The following ADAMTS6 variants were observed in gnomAD, a reference collection of about 807,000 sequenced individuals.
ADAMTS6 encodes the protein A disintegrin and metalloproteinase with thrombospondin motifs 6.
In ADAMTS6, 23 loss-of-function variants were observed where a neutral mutation model predicts 144.3. The observed-to-expected ratio is 0.16, with a 90% CI of 0.11 to 0.23. The LOEUF (loss-of-function observed/expected upper bound fraction) is 0.23. Among genes scored for constraint, ADAMTS6 ranks in the 10% least tolerant of loss-of-function variants. The pLI is 1.00. For missense variants in ADAMTS6, 999 were observed against 1,379.6 expected (o/e 0.72, Z 4.37); for synonymous variants, 444 against 457.5 (o/e 0.97, Z 0.38).
At position 65,407,510 on chromosome 5, in the gene ADAMTS6, C is replaced by T. The variant is rs1331697782; in HGVS notation, c.1073+43965G>A. Reference sequence around the variant, plus strand: ...TCCCTCCCCCCACCCCACAACAGTCCCCGGTGTGTGATGTTCCCCTTCCTG... The same window carrying T: ...TCCCTCCCCCCACCCCACAACAGTCTCCGGTGTGTGATGTTCCCCTTCCTG... On this transcript the variant is annotated intron_variant, in intron 7 of 24. Coordinates refer to ENST00000381055, the MANE Select transcript of ADAMTS6 (RefSeq NM_197941.4). Among the ~76,000 whole-genome samples, 349 of 137,586 alleles carry T rather than the reference C, an allele frequency of 2.5e-3. 1 individual carries two copies. The highest frequency in any genetic ancestry group is 8.9e-3 in the African/African-American group (323 of 36,350). The allele number at this position is 137,586 out of a possible 152,430, so 90.3% of individuals were successfully genotyped here.
chr5:65,195,187 T>C (rs759640043), intron 21 of ADAMTS6, among the ~76,000 whole-genome samples: 3 of 152,182 alleles, frequency 2.0e-5, no homozygotes, highest in African/African-American at 4.8e-5. Context: ...AGGGACAAAA[T>C]TGGCCCATGG....
intron 7 of ADAMTS6, among the ~76,000 whole-genome samples, chr5:65,429,394 G>A (rs531046779): frequency 6.6e-6 from 1 of 151,960 alleles, no homozygotes; most frequent in African/African-American, 2.4e-5. Flanking sequence ...ATTTCTGAAG[G>A]CTCCAGTGTC....
At chr5:65,334,540 C>G (rs1451231730) in intron 7 of ADAMTS6, among the ~76,000 whole-genome samples, 5 of 152,124 alleles carry the variant, frequency 3.3e-5, no homozygotes, top group African/African-American at 1.2e-4. Flanking sequence ...TGCTTTAACT[C>G]TAGCACAGGT....
intron 7 of ADAMTS6, among the ~76,000 whole-genome samples, chr5:65,361,054 G>A (rs1749782573): frequency 6.6e-6 from 1 of 152,128 alleles, no homozygotes; most frequent in Non-Finnish European, 1.5e-5. Context: ...TGGATTTAGT[G>A]TAACAGAGTA....
intron 9 of ADAMTS6, among the ~76,000 whole-genome samples, chr5:65,317,728 C>G (rs1580376185): frequency 1.3e-5 from 2 of 152,158 alleles, no homozygotes; most frequent in Admixed American, 6.5e-5. Flanking sequence ...AGTCTAATAA[C>G]TGGATTAAAA....
At chr5:65,465,853 C>A (rs915163480) in intron 3 of ADAMTS6, among the ~76,000 whole-genome samples, 1 of 152,218 alleles carries the variant, frequency 6.6e-6, no homozygotes, top group Admixed American at 6.5e-5. Context: ...TTGGAATGCC[C>A]AAGGGCTCAG....
At chr5:65,270,235 T>C (rs1032470511) in intron 12 of ADAMTS6, among the ~76,000 whole-genome samples, 1 of 152,240 alleles carries the variant, frequency 6.6e-6, no homozygotes, top group Admixed American at 6.5e-5. Flanking sequence ...TCAATAGCTC[T>C]TTGCAGGGCT....
chr5:65,282,997 A>G (rs546739163), intron 11 of ADAMTS6, among the ~76,000 whole-genome samples: 1 of 152,246 alleles, frequency 6.6e-6, no homozygotes, highest in East Asian at 1.9e-4. Context: ...GCCCTTGGGA[A>G]ACTCTAAATT....
intron 14 of ADAMTS6, among the ~76,000 whole-genome samples, chr5:65,258,560 G>C (rs773372036): frequency 1.3e-5 from 2 of 152,170 alleles, no homozygotes; most frequent in Non-Finnish European, 2.9e-5. Flanking sequence ...GGATAGCAAA[G>C]GGGAATCCTC....
intron 7 of ADAMTS6, among the ~76,000 whole-genome samples, chr5:65,409,113 T>C (rs1754827877): frequency 6.6e-6 from 1 of 152,010 alleles, no homozygotes; most frequent in Non-Finnish European, 1.5e-5. Flanking sequence ...AGCAAACACA[T>C]TCAAAAGCTA....
chr5:65,224,494 T>G (rs1757574292), intron 17 of ADAMTS6, 94 bp from the exon 18 acceptor site: 1 of 1,105,190 alleles, frequency 9.0e-7, no homozygotes, highest in African/African-American at 1.6e-5. Flanking sequence ...TATTATTCCA[T>G]TCTCTCTTTG....
At chr5:65,373,440 C>T (rs1751181598) in intron 7 of ADAMTS6, among the ~76,000 whole-genome samples, 2 of 150,512 alleles carry the variant, frequency 1.3e-5, no homozygotes, top group Admixed American at 6.6e-5. Context: ...CCACCGATCC[C>T]ACAGAAATAC....
chr5:65,165,810 A>C (rs1355636559), intron 24 of ADAMTS6, among the ~76,000 whole-genome samples: 3 of 118,264 alleles, frequency 2.5e-5, no homozygotes, highest in Non-Finnish European at 3.5e-5. Context: ...GAAATAAAAT[A>C]CTTTACAGAC....
At chr5:65,436,034 T>C (rs892727182) in intron 7 of ADAMTS6, among the ~76,000 whole-genome samples, 12 of 152,170 alleles carry the variant, frequency 7.9e-5, no homozygotes, top group African/African-American at 2.9e-4. Context: ...CTAAAAACCA[T>C]TATTATTTAA....
intron 24 of ADAMTS6, among the ~76,000 whole-genome samples, chr5:65,161,059 G>A (rs1022123262): frequency 6.6e-6 from 1 of 150,944 alleles, no homozygotes; most frequent in Admixed American, 6.6e-5. Context: ...TTTATTTTGA[G>A]ACAGAGTCTC....
At position 65,461,607 on chromosome 5, in the gene ADAMTS6, A is replaced by C. The variant is rs148704701; in HGVS notation, c.463-1269T>G. On this transcript the variant is annotated intron_variant, in intron 3 of 24. Coordinates refer to ENST00000381055, the MANE Select transcript of ADAMTS6 (RefSeq NM_197941.4). ...AAAAACTCTCTGGGTGTATTTCCTC[A>C]GCTGGAAAAATGAAAGAGTTGGTCT... Among the ~76,000 whole-genome samples the C allele has an allele frequency of 7.1e-3, 1,077 of 152,270 alleles. 13 individuals are homozygous for C. The highest frequency in any genetic ancestry group is 0.024 in the African/African-American group (1,011 of 41,546).
intron 15 of ADAMTS6, among the ~76,000 whole-genome samples, chr5:65,239,892 T>A (rs932249340): frequency 3.9e-5 from 6 of 152,154 alleles, no homozygotes; most frequent in Admixed American, 3.9e-4. Context: ...TCAGACATTG[T>A]CGGTGAGAGT....
chr5:65,307,648 T>C (rs1386582199), intron 9 of ADAMTS6, among the ~76,000 whole-genome samples: 1 of 152,210 alleles, frequency 6.6e-6, no homozygotes, highest in African/African-American at 2.4e-5. Flanking sequence ...ACCAATTTCA[T>C]TCATTGTTAG....
At chr5:65,349,827 C>CT (rs1164630703) in intron 7 of ADAMTS6, among the ~76,000 whole-genome samples, 1 of 150,566 alleles carries the variant, frequency 6.6e-6, no homozygotes, top group Non-Finnish European at 1.5e-5. Flanking sequence ...TACACTCCAG[C>CT]TGTGCAACAG....
Sources: allele counts gnomAD v4.1 joint callset (sites outside exome capture counted in the v4.1 genomes callset), GRCh38; gene constraint gnomAD v4.1.1; transcripts MANE v1.5; gene names NCBI Gene and HGNC (gene_info 2026-07-23, HGNC 2026-07-21).